TRHDE: variants seen among roughly 807,000 people sequenced by gnomAD.
TRHDE encodes thyrotropin releasing hormone degrading enzyme.
A neutral mutation model predicts 125.7 loss-of-function variants in TRHDE; 72 were observed. That is an observed-to-expected ratio of 0.57 (90% confidence interval 0.47 to 0.70). The LOEUF (loss-of-function observed/expected upper bound fraction) is 0.70, where lower values mean the gene tolerates loss of function less well. TRHDE is among the 30% of genes least tolerant of loss of function. The pLI is 0.00. For synonymous variants in TRHDE, 509 were observed against 509.1 expected (o/e 1.00, Z 0.00); for missense variants, 1,110 against 1,327.1 (o/e 0.84, Z 2.54).
chr12:72,330,330 T>TAA (rs58828483), intron 2 of TRHDE, among the ~76,000 whole-genome samples: 3,432 of 137,420 alleles, frequency 0.025, 110 homozygotes, highest in African/African-American at 0.085. Flanking sequence ...CAAAGAAAAG[T>TAA]AAAAAAAAAA....
chr12:72,107,082 T>G (rs1875205597), intron 2 of TRHDE, among the ~76,000 whole-genome samples: 1 of 152,084 alleles, frequency 6.6e-6, no homozygotes, highest in South Asian at 2.1e-4. Context: ...TATTCTAAGT[T>G]TTATCTAAAT....
chr12:72,201,178 G>A (rs1404536222), intron 2 of TRHDE, among the ~76,000 whole-genome samples: 5 of 152,108 alleles, frequency 3.3e-5, no homozygotes, highest in Admixed American at 3.3e-4. Context: ...ATCAGATCAT[G>A]GAGTCTTCAT....
At chr12:72,255,432 A>G (rs1318959036) in intron 2 of TRHDE, 1 of 152,268 alleles carries the variant, frequency 6.6e-6, no homozygotes, top group African/African-American at 2.4e-5. Context: ...AAAACAAAAG[A>G]AGCCTGTGAT....
At chr12:72,617,096 A>G (rs1362450066) in intron 12 of TRHDE, among the ~76,000 whole-genome samples, 1 of 152,172 alleles carries the variant, frequency 6.6e-6, no homozygotes, top group Non-Finnish European at 1.5e-5. Flanking sequence ...GCCATAGCCT[A>G]AATTTCATGC....
chr12:72,124,079 CTG>C (rs1252488955), intron 2 of TRHDE, among the ~76,000 whole-genome samples: 1 of 152,166 alleles, frequency 6.6e-6, no homozygotes, highest in African/African-American at 2.4e-5. Context: ...AACAAAACCA[CTG>C]TGAGATTCAG....
chr12:72,137,556 G>A (rs1876012448), intron 2 of TRHDE: 1 of 152,172 alleles, frequency 6.6e-6, no homozygotes. Context: ...AAGGAAATCT[G>A]CCTTCAACAG....
At chr12:72,389,630 G>A (rs1383171665) in intron 3 of TRHDE, among the ~76,000 whole-genome samples, 1 of 152,182 alleles carries the variant, frequency 6.6e-6, no homozygotes, top group Non-Finnish European at 1.5e-5. Flanking sequence ...GTTCTCAGGT[G>A]TATCTTGTTA....
chr12:72,121,426 G>T (rs968611014), intron 2 of TRHDE, among the ~76,000 whole-genome samples: 1 of 152,166 alleles, frequency 6.6e-6, no homozygotes, highest in Non-Finnish European at 1.5e-5. Flanking sequence ...TCTGGCCAGG[G>T]TTGGTCTAAT....
chr12:72,131,967 TG>T (rs1287302958), intron 2 of TRHDE, among the ~76,000 whole-genome samples: 1 of 152,216 alleles, frequency 6.6e-6, no homozygotes, highest in Non-Finnish European at 1.5e-5. Context: ...GAATGATCAA[TG>T]ATCAAGGACA....
intron 7 of TRHDE, among the ~76,000 whole-genome samples, chr12:72,556,050 C>G (rs1467104269): frequency 1.3e-5 from 2 of 152,160 alleles, no homozygotes; most frequent in Non-Finnish European, 2.9e-5. Context: ...CTCCAACATT[C>G]TTGTCTGCTT....
At chr12:72,537,761 T>C (rs1325818369) in intron 6 of TRHDE, among the ~76,000 whole-genome samples, 1 of 152,022 alleles carries the variant, frequency 6.6e-6, no homozygotes, top group African/African-American at 2.4e-5. Context: ...AAAGTGATGG[T>C]CCATCACTTG....
chr12:72,420,166 C>G (rs1873892660), intron 3 of TRHDE, among the ~76,000 whole-genome samples: 1 of 152,270 alleles, frequency 6.6e-6, no homozygotes, highest in East Asian at 1.9e-4. Context: ...ATTCAGGCCA[C>G]CCCATGTCTC....
chr12:72,389,063 G>A (rs1049875010), intron 3 of TRHDE, among the ~76,000 whole-genome samples: 2 of 151,944 alleles, frequency 1.3e-5, no homozygotes, highest in Non-Finnish European at 2.9e-5. Flanking sequence ...ATACGGGAGA[G>A]AGGCAGAAAA....
At position 72,416,224 on chromosome 12, in the gene TRHDE, C is replaced by T. The variant is rs114193666; in HGVS notation, c.1315+38103C>T. On this transcript the variant is annotated intron_variant, in intron 3 of 18. Coordinates refer to ENST00000261180, the MANE Select transcript of TRHDE (RefSeq NM_013381.3). ...GAGAAATGTCTATTCAGATTTTTGCCTATTTGAAACATTGGAATATTTGTT... is the reference window on the plus strand; with the variant it reads ...GAGAAATGTCTATTCAGATTTTTGCTTATTTGAAACATTGGAATATTTGTT... Among the ~76,000 whole-genome samples, 475 of 152,012 alleles carry T rather than the reference C, an allele frequency of 3.1e-3. 1 individual carries two copies. The highest frequency in any genetic ancestry group is 0.011 in the African/African-American group (440 of 41,510).
intron 2 of TRHDE, among the ~76,000 whole-genome samples, chr12:72,362,175 A>C (rs1013609216): frequency 4.3e-5 from 6 of 138,794 alleles, no homozygotes; most frequent in Admixed American, 7.4e-5. Flanking sequence ...TTACAGTCCC[A>C]CCAACAGTGT....
chr12:72,233,855 A>AT (rs1345489894), intron 2 of TRHDE, among the ~76,000 whole-genome samples: 4 of 152,006 alleles, frequency 2.6e-5, no homozygotes, highest in African/African-American at 4.8e-5. Flanking sequence ...CACTTAGAAG[A>AT]TTTTTTTTCA....
At chr12:72,264,983 A>T (rs1317482127) in intron 2 of TRHDE, among the ~76,000 whole-genome samples, 1 of 151,590 alleles carries the variant, frequency 6.6e-6, no homozygotes, top group African/African-American at 2.4e-5. Context: ...AAGAGTTAAT[A>T]ATTGAATTTT....
Position 72,568,675 on chromosome 12 carries a change from C to A in TRHDE, c.2131+19C>A. The A allele has an allele frequency of 6.5e-7, 1 of 1,532,930 alleles. No homozygotes were observed. Among genetic ancestry groups the A allele is most frequent in the Non-Finnish European group, 9.0e-7 (1 of 1,111,440 alleles). The allele number at this position is 1,532,930 out of a possible 1,614,324, so 95.0% of individuals were successfully genotyped here. The stretch of plus-strand genomic sequence containing the variant: ...AAATCAGGTAAACTATATATTCTCC[C>A]CTGAGGAAGTATCTGGTTTCAGATA... On this transcript the variant is annotated intron_variant, in intron 10 of 18. Transcript: ENST00000261180.
intron 3 of TRHDE, among the ~76,000 whole-genome samples, chr12:72,418,693 A>G (rs1261675674): frequency 1.3e-5 from 2 of 152,122 alleles, no homozygotes; most frequent in Non-Finnish European, 2.9e-5. Context: ...GTGCTTTGCA[A>G]ACATTGTTTC....
Sources: gnomAD v4.1 joint callset for allele counts (sites outside exome capture counted in the v4.1 genomes callset) on GRCh38, gnomAD v4.1.1 for gene constraint, MANE v1.5 for transcripts, NCBI Gene and HGNC (gene_info 2026-07-23, HGNC 2026-07-21) for gene names.